Variants in DDHD1 observed in about 807,000 individuals in gnomAD.
DDHD1 encodes phospholipase DDHD1.
Under a neutral mutation model 96.4 loss-of-function variants are expected in DDHD1, and 49 were observed. That is an observed-to-expected ratio of 0.51 (90% confidence interval 0.40 to 0.64). The LOEUF (loss-of-function observed/expected upper bound fraction) is 0.64. Among genes scored for constraint, DDHD1 ranks in the 30% least tolerant of loss-of-function variants. The probability of loss-of-function intolerance (pLI) is 0.00; values close to 1 mark genes in which losing one functional copy is unlikely to be tolerated. For missense variants in DDHD1, 1,106 were observed against 1,161.2 expected (o/e 0.95, Z 0.69); for synonymous variants, 442 against 446.5 (o/e 0.99, Z 0.13).
chr14:53,094,501 T>C lies in DDHD1; in HGVS notation c.1013-1057A>G, dbSNP rs567293184. On this transcript the variant is annotated intron_variant, in intron 2 of 12. Coordinates refer to ENST00000673822, the MANE Select transcript of DDHD1 (RefSeq NM_001160148.2). ...GGATCACTGGAGCCCAGGAGTTTGA[T>C]AGCAGCCTGGGCAACAATAATGAGA... Among the ~76,000 whole-genome samples, 6 of 152,078 alleles carry C rather than the reference T, an allele frequency of 3.9e-5. 1 individual carries two copies. Among genetic ancestry groups the C allele is most frequent in the East Asian group, 1.9e-4 (1 of 5,140 alleles).
Position 53,139,089 on chromosome 14 carries a change from A to C in DDHD1, c.838+13172T>G, listed in dbSNP as rs1162705049. Among the ~76,000 whole-genome samples the C allele has an allele frequency of 1.7e-4, 16 of 91,794 alleles. No homozygotes were observed. In the East Asian group the frequency reaches 7.3e-3, roughly 42 times the overall value. 60.2% of individuals were successfully genotyped at this position (91,794 alleles called of 152,430 possible). A position where few individuals can be genotyped will look rare whatever the true frequency, so the allele number is the denominator to read the frequency against. On this transcript the variant is annotated intron_variant, in intron 1 of 12. Transcript: ENST00000673822. Reference sequence around the variant, plus strand: ...GTAATAGGAGAGAAAAAAAAAAAAAAACCACACCCACACCCACACCCACAC... The same window carrying C: ...GTAATAGGAGAGAAAAAAAAAAAAACACCACACCCACACCCACACCCACAC...
At chr14:53,147,880 T>C (rs974130049) in intron 1 of DDHD1, among the ~76,000 whole-genome samples, 3 of 152,186 alleles carry the variant, frequency 2.0e-5, no homozygotes, top group Non-Finnish European at 4.4e-5. Context: ...TTCTACCCCC[T>C]GGGACTCCAT....
At chr14:53,110,311 C>T (rs992499890) in intron 1 of DDHD1, among the ~76,000 whole-genome samples, 1 of 152,228 alleles carries the variant, frequency 6.6e-6, no homozygotes, top group Non-Finnish European at 1.5e-5. Flanking sequence ...CTACAACACT[C>T]TCACCACCAT....
chr14:53,085,195 G>C (rs1056497372), intron 4 of DDHD1, among the ~76,000 whole-genome samples: 7 of 152,188 alleles, frequency 4.6e-5, no homozygotes, highest in African/African-American at 7.2e-5. Flanking sequence ...CTGGGGGCAG[G>C]GCATAGCTGA....
chr14:53,093,551 C>T, intron 2 of DDHD1, 107 bp from the exon 3 acceptor site: 2 of 1,422,426 alleles, frequency 1.4e-6, no homozygotes, highest in Non-Finnish European at 1.9e-6. Flanking sequence ...CTAAAAAACT[C>T]AGATATGGAA....
At chr14:53,094,845 A>AG (rs1886743360) in intron 2 of DDHD1, among the ~76,000 whole-genome samples, 1 of 92,274 alleles carries the variant, frequency 1.1e-5, no homozygotes, top group Admixed American at 1.1e-4. Flanking sequence ...TCCTGTCTCA[A>AG]AAAAAAAAAA....
At chr14:53,148,033 C>T (rs1891113680) in intron 1 of DDHD1, among the ~76,000 whole-genome samples, 1 of 152,088 alleles carries the variant, frequency 6.6e-6, no homozygotes, top group African/African-American at 2.4e-5. Context: ...TATAATCTTC[C>T]CGTTGTTGCA....
chr14:53,053,452 T>A (rs979089865), intron 11 of DDHD1: 1 of 152,136 alleles, frequency 6.6e-6, no homozygotes, highest in Non-Finnish European at 1.5e-5. Context: ...AGTAGGAATG[T>A]TCAACCCTAT....
chr14:53,128,796 G>A (rs1189473221), intron 1 of DDHD1, among the ~76,000 whole-genome samples: 2 of 152,138 alleles, frequency 1.3e-5, no homozygotes, highest in Non-Finnish European at 2.9e-5. Context: ...TGACCTGCAG[G>A]TATACATCCA....
In DDHD1 at chr14:53,061,073, C is replaced by T. The variant is rs145612657; in HGVS notation, c.1842+53G>A. On this transcript the variant is annotated intron_variant, in intron 8 of 12. Transcript: ENST00000673822. ...AATCCTAAAGGCATATTTCACATGA[C>T]GTTAAAAAAAATACTGAGATCAATG... 1,073 of 1,479,888 alleles carry T rather than the reference C, an allele frequency of 7.3e-4. 8 individuals carry two copies. Among genetic ancestry groups the T allele is most frequent in the Non-Finnish European group, 2.0e-4 (216 of 1,080,104 alleles). 91.7% of individuals were successfully genotyped at this position (1,479,888 alleles called of 1,614,324 possible). A position where few individuals can be genotyped will look rare whatever the true frequency, so the allele number is the denominator to read the frequency against.
chr14:53,054,595 C>G lies in DDHD1; in HGVS notation c.2280G>C (p.Met760Ile), dbSNP rs1333114053. The G allele has an allele frequency of 6.2e-7, 1 of 1,614,058 alleles. No homozygotes were observed. The change falls in exon 11 of 13, where the codon ATG (methionine) becomes ATC (isoleucine). Residue 760 changes from methionine to isoleucine, a missense_variant. Met to Ile is a conservative substitution (Grantham distance 10). Transcript: ENST00000673822. The stretch of plus-strand genomic sequence containing the variant: ...ATGAACGTCCAAATCTTGAGAACAA[C>G]ATTCCTCCAAGTCCCTTTCCAATGC... ...AASIGKGLGG[M>I]LFSRFGRSST...
intron 11 of DDHD1, chr14:53,053,372 T>G (rs1882770185): frequency 6.6e-6 from 1 of 152,134 alleles, no homozygotes; most frequent in African/African-American, 2.4e-5. Context: ...TTTCCAGACT[T>G]GCAATTATAA....
intron 6 of DDHD1, among the ~76,000 whole-genome samples, chr14:53,068,507 T>C (rs1031548902): frequency 2.0e-5 from 3 of 152,176 alleles, no homozygotes; most frequent in African/African-American, 7.2e-5. Flanking sequence ...TACCTTGGCC[T>C]CACAAAGGGC....
chr14:53,046,746 C>A lies in DDHD1; in HGVS notation c.*22G>T. On this transcript the variant is annotated 3_prime_UTR_variant, in exon 13 of 13. Transcript: ENST00000673822. ...GAAAAAAAAAAAATCAGTTTTAGGC[C>A]ATTCATGTCCTTCAAGAGAGTTCAG... The A allele has an allele frequency of 1.4e-6, 2 of 1,439,744 alleles. No homozygotes were observed. Among genetic ancestry groups the A allele is most frequent in the Non-Finnish European group, 9.1e-7 (1 of 1,097,972 alleles). The allele number at this position is 1,439,744 out of a possible 1,614,324, so 89.2% of individuals were successfully genotyped here.
chr14:53,073,972 C>CTGGAATGTAACTGG, intron 4 of DDHD1, 125 bp from the exon 5 acceptor site: 2 of 775,600 alleles, frequency 2.6e-6, no homozygotes, highest in Non-Finnish European at 4.0e-6. Flanking sequence ...TGTCCAGTTA[C>CTGGAATGTAACTGG]ATTCCAGTGA....
chr14:53,039,053 T>C lies in DDHD1; in HGVS notation c.*7715A>G, dbSNP rs1332476931. 6.6e-6 allele frequency: 1 copy of C among 152,220 alleles called. No individual in the cohort carries two copies. The highest frequency in any genetic ancestry group is 1.5e-5 in the Non-Finnish European group (1 of 68,034). 9.4% of individuals were successfully genotyped at this position (152,220 alleles called of 1,614,324 possible). ...AATGTGGAGGTAATTTTTTGTCAAATGATTATTAATTTGAACTCTTTTGGA... is the reference window on the plus strand; with the variant it reads ...AATGTGGAGGTAATTTTTTGTCAAACGATTATTAATTTGAACTCTTTTGGA... On this transcript the variant is annotated 3_prime_UTR_variant, in exon 13 of 13. Transcript: ENST00000673822.
intron 1 of DDHD1, among the ~76,000 whole-genome samples, chr14:53,147,459 G>GT (rs1300584212): frequency 3.3e-5 from 5 of 152,302 alleles, no homozygotes; most frequent in Admixed American, 6.5e-5. Flanking sequence ...TTGGCCATAC[G>GT]TAAGGTGAAT....
chr14:53,140,886 C>A (rs1395329310), intron 1 of DDHD1, among the ~76,000 whole-genome samples: 1 of 152,012 alleles, frequency 6.6e-6, no homozygotes, highest in Non-Finnish European at 1.5e-5. Context: ...ATACAAATTG[C>A]AAATACTAAT....
At chr14:53,093,986 TA>T (rs1168595299) in intron 2 of DDHD1, 1 of 152,768 alleles carries the variant, frequency 6.5e-6, no homozygotes, top group Admixed American at 6.6e-5. Flanking sequence ...CCATCCTGGC[TA>T]ACACGGTGAA....
Sources: gnomAD v4.1 joint callset for allele counts (sites outside exome capture counted in the v4.1 genomes callset) on GRCh38, gnomAD v4.1.1 for gene constraint, MANE v1.5 for transcripts, NCBI Gene and HGNC (gene_info 2026-07-23, HGNC 2026-07-21) for gene names.